The following PPFIBP2 variants were observed in gnomAD, a reference collection of about 807,000 sequenced individuals.
PPFIBP2 encodes the protein liprin-beta-2.
A neutral mutation model predicts 118.3 loss-of-function variants in PPFIBP2; 118 were observed. The observed-to-expected ratio is 1.00, with a 90% CI of 0.86 to 1.16. PPFIBP2 has a LOEUF of 1.16. Among genes scored for constraint, PPFIBP2 ranks in the 50% most tolerant of loss-of-function variants. The probability of loss-of-function intolerance (pLI) is 0.00; values close to 1 mark genes in which losing one functional copy is unlikely to be tolerated. For synonymous variants in PPFIBP2, 414 were observed against 397.4 expected (o/e 1.04, Z -0.50); for missense variants, 1,195 against 1,073.1 (o/e 1.11, Z -1.59).
intron 6 of PPFIBP2, chr11:7,617,087 C>G: frequency 1.0e-6 from 1 of 984,238 alleles, no homozygotes; most frequent in Non-Finnish European, 1.2e-6. Context: ...GAGTGCTTTT[C>G]TCTTCTTTCT....
intron 1 of PPFIBP2, among the ~76,000 whole-genome samples, chr11:7,528,838 C>T (rs1054454072): frequency 2.6e-5 from 4 of 152,212 alleles, no homozygotes; most frequent in African/African-American, 7.2e-5. Context: ...GGTTCTTATG[C>T]GTATATCTAG....
At chr11:7,665,528 C>A in the PPFIBP2 span, 37 of 1,608,448 alleles carry the variant, frequency 2.3e-5, no homozygotes, top group African/African-American at 4.8e-4. Context: ...AGTAACGAAG[C>A]CTGAGCTGTA....
rs778942353 is a variant in PPFIBP2, at chr11:7,649,558, C to T, written c.2025C>T (p.Thr675=). 3 of 1,614,174 alleles carry T rather than the reference C, an allele frequency of 1.9e-6. No individual in the cohort carries two copies. Among genetic ancestry groups the T allele is most frequent in the Non-Finnish European group, 2.5e-6 (3 of 1,180,036 alleles). The change falls in exon 21 of 24, where the codon ACC becomes ACT. Residue 675 remains threonine (T), a synonymous_variant. Transcript: ENST00000299492. The part of the protein sequence containing the change: ...TVNDLLFLKV[T]SQLHHLSIKC... Reference sequence around the variant, plus strand: ...ACGATTTACTCTTCTTAAAAGTCACCAGCCAACTACATCATCTCAGCATCA... The same window carrying T: ...ACGATTTACTCTTCTTAAAAGTCACTAGCCAACTACATCATCTCAGCATCA...
chr11:7,593,729 A>G (rs1030931941), intron 4 of PPFIBP2, among the ~76,000 whole-genome samples: 1 of 152,196 alleles, frequency 6.6e-6, no homozygotes, highest in Admixed American at 6.5e-5. Flanking sequence ...TAAGCCTTTG[A>G]TAGCTGTCTT....
At chr11:7,650,090 A>C (rs4758211) in intron 21 of PPFIBP2, among the ~76,000 whole-genome samples, 24,279 of 152,106 alleles carry the variant, frequency 0.16, 2,323 homozygotes, top group East Asian at 0.5. Context: ...AGGCCCAGGT[A>C]CAGGGGATCC....
chr11:7,520,485 G>T (rs1433787262), intron 1 of PPFIBP2, among the ~76,000 whole-genome samples: 1 of 151,732 alleles, frequency 6.6e-6, no homozygotes, highest in Non-Finnish European at 1.5e-5. Flanking sequence ...GTTTAGAAGT[G>T]GTTTTTTACT....
intron 14 of PPFIBP2, 149 bp from the exon 15 acceptor site, chr11:7,639,583 G>C: frequency 1.0e-6 from 1 of 996,138 alleles, no homozygotes; most frequent in Non-Finnish European, 1.5e-6. Context: ...CCCTTTCTCG[G>C]ACTAGCTAAA....
chr11:7,579,948 C>CT (rs771728577), intron 3 of PPFIBP2, among the ~76,000 whole-genome samples: 10 of 150,496 alleles, frequency 6.6e-5, no homozygotes, highest in Non-Finnish European at 1.5e-4. Flanking sequence ...TTAAAATCTT[C>CT]TTAAAAAAAA....
At chr11:7,606,131 G>A in intron 5 of PPFIBP2, 2 of 1,222,194 alleles carry the variant, frequency 1.6e-6, no homozygotes, top group Non-Finnish European at 2.2e-6. Context: ...CAGGATAGAT[G>A]CAGATGGTCG....
chr11:7,591,704 AGGTGCTGCCTG>A (rs1859338794), intron 3 of PPFIBP2, among the ~76,000 whole-genome samples: 2 of 152,306 alleles, frequency 1.3e-5, no homozygotes, highest in South Asian at 4.1e-4. Context: ...GTGTGGCAGC[AGGTGCTGCCTG>A]GCACAGCTGG....
At chr11:7,517,383 C>T (rs1440567308) in intron 1 of PPFIBP2, among the ~76,000 whole-genome samples, 2 of 151,994 alleles carry the variant, frequency 1.3e-5, no homozygotes, top group Middle Eastern at 3.4e-3. Context: ...TCCCTAACAG[C>T]GGGGTTAACT....
intron 6 of PPFIBP2, 50 bp downstream of exon 6, chr11:7,610,472 T>G: frequency 6.3e-7 from 1 of 1,594,340 alleles, no homozygotes; most frequent in Non-Finnish European, 8.5e-7. Flanking sequence ...AAGGCTGTCA[T>G]AATGTGAATT....
At chr11:7,665,163 T>G in the PPFIBP2 span, 1 of 459,676 alleles carries the variant, frequency 2.2e-6, no homozygotes, top group Non-Finnish European at 3.8e-6. Context: ...ATGGAGCTCT[T>G]TCCAGCCTCC....
chr11:7,663,846 C>T, the PPFIBP2 span, among the ~76,000 whole-genome samples: 3 of 152,206 alleles, frequency 2.0e-5, no homozygotes, highest in South Asian at 6.2e-4. Context: ...GATATAATCT[C>T]ATGGTGCGCC....
intron 8 of PPFIBP2, among the ~76,000 whole-genome samples, chr11:7,627,952 C>A (rs748273187): frequency 6.6e-6 from 1 of 152,166 alleles, no homozygotes; most frequent in Non-Finnish European, 1.5e-5. Context: ...CATGCCTACT[C>A]AAGTTGTAAA....
chr11:7,597,605 C>A lies in PPFIBP2; in HGVS notation c.418C>A (p.Arg140=). The part of the protein sequence containing the change: ...DQVEAQGEKI[R]DLEVCLEGHQ... ...AGTAGAAGCCCAGGGAGAAAAGATT[C>A]GAGACCTGGAAGTGTGTCTGGAAGG... is the stretch of plus-strand genomic sequence containing the variant. Residue 140 remains arginine (R), a synonymous_variant, in exon 5 of 24, where the codon CGA becomes AGA. Coordinates refer to ENST00000299492, the MANE Select transcript of PPFIBP2 (RefSeq NM_003621.5). 6.2e-7 allele frequency: 1 copy of A among 1,613,992 alleles called. No homozygotes were observed. Among genetic ancestry groups the A allele is most frequent in the Non-Finnish European group, 8.5e-7 (1 of 1,179,992 alleles).
chr11:7,532,185 A>G (rs764783586), intron 1 of PPFIBP2, among the ~76,000 whole-genome samples: 2 of 151,892 alleles, frequency 1.3e-5, no homozygotes, highest in Admixed American at 6.6e-5. Context: ...TTGTCTTCAC[A>G]TGGTCTTTCC....
chr11:7,648,664 G>A lies in PPFIBP2; in HGVS notation c.1797+127G>A, dbSNP rs1483754700. On this transcript the variant is annotated intron_variant, in intron 18 of 23. Coordinates refer to ENST00000299492, the MANE Select transcript of PPFIBP2 (RefSeq NM_003621.5). ...GGAGGAGGCTGAGAGTTCCTCTGTA[G>A]CTGCAGGTTGGCATCCCAGGGCACG... The A allele has an allele frequency of 2.0e-6, 3 of 1,476,410 alleles. No homozygotes were observed. In the African/African-American group the frequency reaches 4.2e-5, roughly 20 times the overall value. 91.5% of individuals were successfully genotyped at this position (1,476,410 alleles called of 1,614,324 possible). A position where few individuals can be genotyped will look rare whatever the true frequency, so the allele number is the denominator to read the frequency against.
intron 13 of PPFIBP2, 137 bp downstream of exon 13, chr11:7,634,689 G>A (rs1230438353): frequency 2.9e-6 from 2 of 694,708 alleles, no homozygotes; most frequent in East Asian, 2.6e-5. Flanking sequence ...GGAATTACAT[G>A]AACATTTTGA....
Sources: allele counts gnomAD v4.1 joint callset (sites outside exome capture counted in the v4.1 genomes callset), GRCh38; gene constraint gnomAD v4.1.1; transcripts MANE v1.5; gene names NCBI Gene and HGNC (gene_info 2026-07-23, HGNC 2026-07-21).